C4BPA: variants seen among roughly 807,000 people sequenced by gnomAD.
The protein encoded by C4BPA is complement component 4 binding protein alpha.
Under a neutral mutation model 63.7 loss-of-function variants are expected in C4BPA, and 31 were observed. That is an observed-to-expected ratio of 0.49 (90% CI 0.37 to 0.66). The LOEUF is 0.66. Among genes scored for constraint, C4BPA ranks in the 30% least tolerant of loss-of-function variants. C4BPA has a pLI of 0.00. For synonymous variants in C4BPA, 259 were observed against 254.7 expected, an observed-to-expected ratio of 1.02 and a Z score of -0.16; for missense variants, 572 against 723.3, an observed-to-expected ratio of 0.79 and a Z score of 2.40.
At chr1:207,137,621 G>A (rs1685313710) in intron 9 of C4BPA, among the ~76,000 whole-genome samples, 1 of 151,864 alleles carries the variant, frequency 6.6e-6, no homozygotes, top group South Asian at 2.1e-4. Context: ...GTTTTGTTTT[G>A]TTTTGTTTTG....
At chr1:207,133,413 A>T (rs142324333) in intron 8 of C4BPA, among the ~76,000 whole-genome samples, 1 of 152,292 alleles carries the variant, frequency 6.6e-6, no homozygotes, top group Non-Finnish European at 1.5e-5. Flanking sequence ...TTCTTAAAGT[A>T]TTTCTACTAA....
chr1:207,122,889 A>G (rs1684949482), intron 4 of C4BPA, among the ~76,000 whole-genome samples: 1 of 152,186 alleles, frequency 6.6e-6, no homozygotes, highest in Non-Finnish European at 1.5e-5. Flanking sequence ...CAAATTTTTA[A>G]AAAGCTATTT....
At chr1:207,140,668 T>C (rs1685395077) in intron 9 of C4BPA, among the ~76,000 whole-genome samples, 1 of 152,238 alleles carries the variant, frequency 6.6e-6, no homozygotes, top group South Asian at 2.1e-4. Context: ...CAATATTTTC[T>C]TCTTGGGCAT....
chr1:207,104,851 A>G (rs977631152), intron 1 of C4BPA, among the ~76,000 whole-genome samples: 1 of 152,144 alleles, frequency 6.6e-6, no homozygotes, highest in Non-Finnish European at 1.5e-5. Context: ...AACTGGGGCC[A>G]TTTCTATTTT....
At chr1:207,132,676 C>T (rs1685188326) in intron 8 of C4BPA, among the ~76,000 whole-genome samples, 1 of 152,108 alleles carries the variant, frequency 6.6e-6, no homozygotes, top group African/African-American at 2.4e-5. Flanking sequence ...AACTTACCGC[C>T]ATTACTTAAA....
chr1:207,117,605 G>T (rs1186374865), intron 4 of C4BPA, among the ~76,000 whole-genome samples: 2 of 152,194 alleles, frequency 1.3e-5, no homozygotes, highest in Non-Finnish European at 1.5e-5. Context: ...ACATGAAACA[G>T]ATTAACAGGA....
intron 9 of C4BPA, among the ~76,000 whole-genome samples, chr1:207,135,971 C>T (rs759724624): frequency 4.8e-4 from 73 of 152,290 alleles, no homozygotes; most frequent in South Asian, 2.1e-4. Flanking sequence ...TTAAGATGAC[C>T]GTGCTGACTG....
rs186747082 is a variant in C4BPA at position 207,133,493 on chromosome 1, G to T, written c.1085-911G>T. ...AAATTAAAGAATTTGGCCAGATGTGGTGGCTCACATGTGTGACCCCAGCAC... is the reference window on the plus strand; with the variant it reads ...AAATTAAAGAATTTGGCCAGATGTGTTGGCTCACATGTGTGACCCCAGCAC... On this transcript the variant is annotated intron_variant, in intron 8 of 11. Coordinates refer to ENST00000367070, the MANE Select transcript of C4BPA (RefSeq NM_000715.4). 3.2e-3 allele frequency among the ~76,000 whole-genome samples: 489 copies of T among 152,362 alleles called. 1 individual carries two copies. Among genetic ancestry groups the T allele is most frequent in the African/African-American group, 0.011 (460 of 41,592 alleles).
At chr1:207,126,549 G>A (rs150571607) in intron 6 of C4BPA, among the ~76,000 whole-genome samples, 164 bp from the exon 7 acceptor site, 15 of 151,006 alleles carry the variant, frequency 9.9e-5, no homozygotes, top group East Asian at 3.9e-4. Flanking sequence ...ATATGTATGC[G>A]TTTGTGTATG....
At chr1:207,106,441 G>GTTTTTTTTTTTTTTTTTTTTTTT (rs757122192) in intron 1 of C4BPA, among the ~76,000 whole-genome samples, 1 of 118,440 alleles carries the variant, frequency 8.4e-6, no homozygotes, top group African/African-American at 3.7e-5. Flanking sequence ...CTCCGTGTAA[G>GTTTTTTTTTTTTTTTTTTTTTTT]TTTTTTTTTT....
chr1:207,107,325 T>G (rs551867412), intron 1 of C4BPA, among the ~76,000 whole-genome samples: 1 of 152,108 alleles, frequency 6.6e-6, no homozygotes, highest in African/African-American at 2.4e-5. Flanking sequence ...AGGTGGGAGG[T>G]TCACTTGAGG....
intron 6 of C4BPA, among the ~76,000 whole-genome samples, chr1:207,126,025 C>A (rs1211687748): frequency 2.0e-5 from 3 of 151,962 alleles, no homozygotes; most frequent in Non-Finnish European, 2.9e-5. Context: ...ATGTAATTAC[C>A]ATGGGCCACG....
chr1:207,124,570 G>A (rs2102340906), intron 6 of C4BPA, among the ~76,000 whole-genome samples: 1 of 152,252 alleles, frequency 6.6e-6, no homozygotes, highest in Admixed American at 6.5e-5. Context: ...TGGTGAACTG[G>A]GAGCTAACAG....
intron 1 of C4BPA, among the ~76,000 whole-genome samples, chr1:207,104,773 G>A (rs986205318): frequency 3.9e-5 from 6 of 152,178 alleles, no homozygotes; most frequent in Admixed American, 3.9e-4. Context: ...TCAGAGTTGA[G>A]GCAAGGGGTC....
intron 1 of C4BPA, among the ~76,000 whole-genome samples, chr1:207,107,341 A>C (rs1210922575): frequency 6.6e-6 from 1 of 152,230 alleles, no homozygotes; most frequent in African/African-American, 2.4e-5. Context: ...TGAGGCCAGG[A>C]GTTCAAGACC....
intron 9 of C4BPA, among the ~76,000 whole-genome samples, chr1:207,140,022 T>C (rs920636738): frequency 1.3e-5 from 2 of 152,206 alleles, no homozygotes; most frequent in Non-Finnish European, 2.9e-5. Flanking sequence ...AAGAATGCTA[T>C]GGTTTAATCT....
intron 9 of C4BPA, among the ~76,000 whole-genome samples, chr1:207,140,500 C>CT (rs79508731): frequency 0.062 from 8,774 of 140,872 alleles, 487 homozygotes; most frequent in African/African-American, 0.16. Flanking sequence ...TGCTGCTCTG[C>CT]TTTTTTTTTT....
rs539215078 is a variant in C4BPA, at chr1:207,117,258, C to T, written c.428+1743C>T. On this transcript the variant is annotated intron_variant, in intron 4 of 11. Coordinates refer to ENST00000367070, the MANE Select transcript of C4BPA (RefSeq NM_000715.4). ...TGAGTCCAGGAGTTCGAGACCAGCC[C>T]GGGCAACACAGGGAGACCTTGTCTC... Among the ~76,000 whole-genome samples the T allele has an allele frequency of 5.6e-4, 85 of 152,132 alleles. No homozygotes were observed. In the Middle Eastern group the frequency reaches 0.014, roughly 24 times the overall value.
At chr1:207,132,216 G>A (rs1457144888) in intron 8 of C4BPA, among the ~76,000 whole-genome samples, 1 of 152,166 alleles carries the variant, frequency 6.6e-6, no homozygotes, top group Admixed American at 6.5e-5. Flanking sequence ...TCTGCCTCTA[G>A]AAGACAAATC....
Sources: allele counts gnomAD v4.1 joint callset (sites outside exome capture counted in the v4.1 genomes callset), GRCh38; gene constraint gnomAD v4.1.1; transcripts MANE v1.5; gene names NCBI Gene and HGNC (gene_info 2026-07-23, HGNC 2026-07-21).